The following ADAM28 variants were observed in gnomAD, a reference collection of about 807,000 sequenced individuals.
ADAM28 encodes the protein disintegrin and metalloproteinase domain-containing protein 28.
In ADAM28, 105 loss-of-function variants were observed where a neutral mutation model predicts 101.2. That is an observed-to-expected ratio of 1.04 (90% CI 0.89 to 1.22). The LOEUF is 1.22. Among genes scored for constraint, ADAM28 ranks in the 50% most tolerant of loss-of-function variants. The pLI is 0.00. For synonymous variants in ADAM28, 322 were observed against 310.6 expected (o/e 1.04, Z -0.39); for missense variants, 1,028 against 945.4 (o/e 1.09, Z -1.15).
intron 1 of ADAM28, chr8:24,296,030 A>G (rs1410708287): frequency 1.3e-5 from 2 of 152,228 alleles, no homozygotes; most frequent in Non-Finnish European, 2.9e-5. Flanking sequence ...CACAATCCCG[A>G]GAAAAAATTG....
At chr8:24,353,205 G>T (rs1816374190) in intron 21 of ADAM28, among the ~76,000 whole-genome samples, 1 of 151,774 alleles carries the variant, frequency 6.6e-6, no homozygotes, top group Non-Finnish European at 1.5e-5. Context: ...TTTATTTAAG[G>T]AGATAAAATT....
At position 24,313,467 on chromosome 8, in the gene ADAM28, C is replaced by T. The variant is rs760865374; in HGVS notation, c.463C>T (p.Leu155Phe). ...PIHRDGQEHALFKYNPDEKNY... is the reference protein window; with the variant it reads ...PIHRDGQEHAFFKYNPDEKNY... ...ACATCGGGATGGACAGGAGCATGCA[C>T]TCTTCAAGTATAACCCTGATGAAAA... is the stretch of plus-strand genomic sequence containing the variant. Residue 155 changes from leucine (L) to phenylalanine (F), a missense_variant, in exon 6 of 23, where the codon CTC becomes TTC. By Grantham distance (22) the Leu-to-Phe change is conservative. Coordinates refer to ENST00000265769, the MANE Select transcript of ADAM28 (RefSeq NM_014265.6). 14 of 1,613,888 alleles carry T rather than the reference C, an allele frequency of 8.7e-6. No homozygotes were observed. In the South Asian group the frequency reaches 1.1e-4, roughly 13 times the overall value.
At chr8:24,317,597 G>C (rs530068867) in intron 6 of ADAM28, among the ~76,000 whole-genome samples, 1 of 152,008 alleles carries the variant, frequency 6.6e-6, no homozygotes, top group East Asian at 1.9e-4. Flanking sequence ...GAAAATAGAG[G>C]GGAAAAGCTG....
intron 1 of ADAM28, chr8:24,296,348 TG>T (rs1340572870): frequency 6.6e-6 from 1 of 152,188 alleles, no homozygotes; most frequent in African/African-American, 2.4e-5. Context: ...TTTTAATGCA[TG>T]AAGTTTAAAA....
At chr8:24,312,706 CATAAGCTCCATAAGA>C (rs1810633639) in intron 5 of ADAM28, among the ~76,000 whole-genome samples, 2 of 151,848 alleles carry the variant, frequency 1.3e-5, no homozygotes, top group Non-Finnish European at 2.9e-5. Flanking sequence ...CTCATTTGAA[CATAAGCTCCATAAGA>C]AAAGAGACCA....
chr8:24,325,221 G>C (rs1380765633), intron 9 of ADAM28: 1 of 151,946 alleles, frequency 6.6e-6, no homozygotes, highest in African/African-American at 2.4e-5. Context: ...TAACGTAGAA[G>C]CTTAAAAATA....
chr8:24,312,135 C>A (rs1810543674), intron 5 of ADAM28, among the ~76,000 whole-genome samples: 1 of 152,162 alleles, frequency 6.6e-6, no homozygotes, highest in Non-Finnish European at 1.5e-5. Flanking sequence ...TACTATGCAT[C>A]TGTCTATATA....
intron 6 of ADAM28, among the ~76,000 whole-genome samples, chr8:24,316,058 G>T (rs1025347198): frequency 6.8e-6 from 1 of 146,842 alleles, no homozygotes; most frequent in African/African-American, 2.5e-5. Flanking sequence ...ACATCATAAA[G>T]GCCATTTATT....
intron 1 of ADAM28, chr8:24,296,377 G>A (rs981968322): frequency 3.3e-5 from 5 of 152,320 alleles, no homozygotes; most frequent in African/African-American, 9.6e-5. Context: ...ATGGTTTGAG[G>A]AGATGCAGAG....
chr8:24,300,918 G>A (rs1808667086), intron 2 of ADAM28: 1 of 152,110 alleles, frequency 6.6e-6, no homozygotes, highest in Non-Finnish European at 1.5e-5. Flanking sequence ...CTTAATGTTT[G>A]TACGTTTCTT....
chr8:24,344,496 A>T (rs975314257), intron 18 of ADAM28, among the ~76,000 whole-genome samples: 5 of 152,172 alleles, frequency 3.3e-5, no homozygotes, highest in African/African-American at 1.2e-4. Context: ...CCTCAGTGAG[A>T]TATCTGCCCC....
intron 2 of ADAM28, chr8:24,308,904 C>G (rs1468087040): frequency 6.1e-6 from 2 of 329,540 alleles, no homozygotes; most frequent in Admixed American, 8.1e-5. Flanking sequence ...AGAAGGAAGG[C>G]TTGAGCTTAG....
intron 8 of ADAM28, 44 bp from the exon 9 acceptor site, chr8:24,323,790 C>A (rs1351041849): frequency 2.0e-6 from 3 of 1,528,910 alleles, no homozygotes; most frequent in South Asian, 1.2e-5. Flanking sequence ...AAAATGATAT[C>A]ACCATTATAA....
chr8:24,318,595 A>G (rs1191415664), intron 6 of ADAM28, among the ~76,000 whole-genome samples: 1 of 151,962 alleles, frequency 6.6e-6, no homozygotes, highest in Non-Finnish European at 1.5e-5. Flanking sequence ...ATATGCCCCC[A>G]AAAGAACTAC....
rs1370659458 is a variant in ADAM28 at position 24,321,289 on chromosome 8, G to T, written c.720G>T (p.Met240Ile). 1.9e-6 allele frequency: 3 copies of T among 1,598,984 alleles called. No homozygotes were observed. In the African/African-American group the frequency reaches 4.0e-5, roughly 21 times the overall value. ...TTGAGATGGCTAATTATGTCAACAT[G>T]GTAAGACATATTTTATTACCTGCAG... ...RVFEMANYVNMLYKKLNTHVA... is the reference protein window; with the variant it reads ...RVFEMANYVNILYKKLNTHVA... The change falls in exon 8 of 23, where the codon ATG becomes ATT. Residue 240 changes from methionine (M) to isoleucine (I), a missense_variant and splice_region_variant. Transcript: ENST00000265769.
chr8:24,354,359 C>A, intron 22 of ADAM28, 25 bp from the exon 23 acceptor site: 4 of 1,468,252 alleles, frequency 2.7e-6, no homozygotes, highest in South Asian at 1.2e-5. Context: ...GAAAGTTGAT[C>A]ATTTAGAAGT....
At chr8:24,306,833 A>G (rs983634929) in intron 2 of ADAM28, among the ~76,000 whole-genome samples, 2 of 152,150 alleles carry the variant, frequency 1.3e-5, no homozygotes, top group South Asian at 4.1e-4. Context: ...ATGATTCCAG[A>G]TTCTGTCCTA....
intron 2 of ADAM28, among the ~76,000 whole-genome samples, chr8:24,301,409 A>AC (rs1015703952): frequency 6.6e-6 from 1 of 152,046 alleles, no homozygotes; most frequent in Non-Finnish European, 1.5e-5. Context: ...TGTACACCAA[A>AC]CCCCCATGAC....
At position 24,324,003 on chromosome 8, in the gene ADAM28, C is replaced by T. The variant is rs182434720; in HGVS notation, c.890C>T (p.Thr297Ile). ...CGTCATGATATTGCTCAGTTAATCA[C>T]GTATGTACAGATTTTCTCCCATTGC... ...RKRHDIAQLI[T>I]ATELAGTTVG... is the part of the protein sequence containing the mutation. The change falls in exon 9 of 23, where the codon ACA becomes ATA. Residue 297 changes from threonine (T) to isoleucine (I), a missense_variant and splice_region_variant. Thr to Ile is a moderately conservative substitution (Grantham distance 89). Coordinates refer to ENST00000265769, the MANE Select transcript of ADAM28 (RefSeq NM_014265.6). The T allele has an allele frequency of 8.5e-5, 137 of 1,611,024 alleles. No homozygotes were observed. In the Admixed American group the frequency reaches 1.5e-3, roughly 17 times the overall value.
Sources: allele counts gnomAD v4.1 joint callset (sites outside exome capture counted in the v4.1 genomes callset), GRCh38; gene constraint gnomAD v4.1.1; transcripts MANE v1.5; gene names NCBI Gene and HGNC (gene_info 2026-07-23, HGNC 2026-07-21).